Variants in PHACTR2 observed in about 807,000 individuals in gnomAD.
The protein encoded by PHACTR2 is phosphatase and actin regulator 2, also known as chromosome 6 open reading frame 56.
A neutral mutation model predicts 76.0 loss-of-function variants in PHACTR2; 30 were observed. The ratio of observed to expected loss-of-function variants is 0.39; its 90% CI spans 0.30 to 0.54. PHACTR2 has a LOEUF of 0.54. Among genes scored for constraint, PHACTR2 ranks in the 20% least tolerant of loss-of-function variants. The probability of loss-of-function intolerance (pLI) is 0.61; values close to 1 mark genes in which losing one functional copy is unlikely to be tolerated. For synonymous variants in PHACTR2, 292 were observed against 292.5 expected (o/e 1.00, Z 0.02); for missense variants, 696 against 781.1 (o/e 0.89, Z 1.30).
chr6:143,545,703 C>G lies in PHACTR2; in HGVS notation c.217+8496C>G, dbSNP rs1183341283. Among the ~76,000 whole-genome samples, 3 of 152,180 alleles carry G rather than the reference C, an allele frequency of 2.0e-5. No individual in the cohort carries two copies. The South Asian group carries it at 6.2e-4, about 31-fold the overall frequency. ...TACTCTTTTCTTACCCTACCCCACC[C>G]TAGTACATATCTATCACCCCTCATA... On this transcript the variant is annotated intron_variant, in intron 1 of 11. Transcript: ENST00000367584.
rs1779267248 is a variant in PHACTR2, at chr6:143,754,945, AT to A, written c.454+1035del. Reference sequence around the variant, plus strand: ...TCCTTGAGAGCGAAAGGGAAAAAAGATTATTTGATGGCCCTATTAAACACAC... The same window carrying A: ...TCCTTGAGAGCGAAAGGGAAAAAAGATATTTGATGGCCCTATTAAACACAC... On this transcript the variant is annotated intron_variant, in intron 4 of 12. Coordinates refer to ENST00000440869, the MANE Select transcript of PHACTR2 (RefSeq NM_001100164.2). The surrounding 1 kb of genome is among the most constrained non-coding windows in gnomAD (Gnocchi z 6.2). Among the ~76,000 whole-genome samples, 1 of 152,184 alleles carries A rather than the reference AT, an allele frequency of 6.6e-6. No individual in the cohort carries two copies. Among genetic ancestry groups the A allele is most frequent in the Non-Finnish European group, 1.5e-5 (1 of 68,036 alleles).
chr6:143,676,565 G>A (rs1051224577), upstream of PHACTR2, among the ~76,000 whole-genome samples: 3 of 151,590 alleles, frequency 2.0e-5, no homozygotes, highest in Non-Finnish European at 2.9e-5. The surrounding 1 kb of genome is among the most constrained non-coding windows in gnomAD (Gnocchi z 4.8). Context: ...TTTTTCTTAC[G>A]GCAACTCAAA....
At chr6:143,744,709 G>A (rs1016894004) in intron 2 of PHACTR2, among the ~76,000 whole-genome samples, 3 of 152,190 alleles carry the variant, frequency 2.0e-5, no homozygotes, top group Non-Finnish European at 4.4e-5. Context: ...CGTGGGAGGC[G>A]GGACAGCCTA....
chr6:143,537,016 C>T lies in PHACTR2; in HGVS notation c.26C>T (p.Ala9Val). ...ATGGCCGAGGCGGGCTGGCGCCCCG[C>T]GGCGTCCCCGGTCGATCCGGCCGGG... The change falls in exon 1 of 12, where the codon GCG becomes GTG. Residue 9 changes from alanine to valine, a missense_variant. Ala to Val is a moderately conservative substitution (Grantham distance 64). Coordinates refer to the PHACTR2 transcript ENST00000367584. The surrounding 1 kb of genome is among the most constrained non-coding windows in gnomAD (Gnocchi z 4.4). 1 of 166,606 alleles carries T rather than the reference C, an allele frequency of 6.0e-6. No homozygotes were observed. The highest frequency in any genetic ancestry group is 1.3e-5 in the Non-Finnish European group (1 of 79,096). 10.3% of individuals were successfully genotyped at this position (166,606 alleles called of 1,614,324 possible). A position where few individuals can be genotyped will look rare whatever the true frequency, so the allele number is the denominator to read the frequency against.
Position 143,639,621 on chromosome 6 carries a change from C to T in PHACTR2, c.13+31299C>T, listed in dbSNP as rs1162415738. On this transcript the variant is annotated intron_variant, in intron 1 of 11. Transcript: ENST00000305766. The surrounding 1 kb of genome is among the most constrained non-coding windows in gnomAD (Gnocchi z 5.0). ...ATAGCGGGAGGGATTACTAACTCTC[C>T]CTTTGATGATGGATTAGCATACCCC... 6.6e-6 allele frequency among the ~76,000 whole-genome samples: 1 copy of T among 151,992 alleles called. No individual in the cohort carries two copies. Among genetic ancestry groups the T allele is most frequent in the Non-Finnish European group, 1.5e-5 (1 of 67,998 alleles).
chr6:143,631,314 C>T (rs1400200236), intron 1 of PHACTR2, among the ~76,000 whole-genome samples: 2 of 152,076 alleles, frequency 1.3e-5, no homozygotes, highest in African/African-American at 4.8e-5. Context: ...CCTCAGCCTC[C>T]CTAGTAGCTA....
intron 2 of PHACTR2, among the ~76,000 whole-genome samples, chr6:143,747,820 G>C (rs1333283548): frequency 6.6e-6 from 1 of 152,160 alleles, no homozygotes; most frequent in Non-Finnish European, 1.5e-5. Context: ...TAGATGACAT[G>C]ACCACATGTT....
intron 1 of PHACTR2, among the ~76,000 whole-genome samples, chr6:143,692,070 A>G (rs1212247342): frequency 6.6e-6 from 1 of 152,190 alleles, no homozygotes; most frequent in Non-Finnish European, 1.5e-5. Flanking sequence ...CTTTTTCTAA[A>G]GAATTTTTCA....
At chr6:143,781,067 C>T (rs887522704) in intron 9 of PHACTR2, among the ~76,000 whole-genome samples, 4 of 152,136 alleles carry the variant, frequency 2.6e-5, no homozygotes, top group Non-Finnish European at 5.9e-5. Context: ...TCACTTGAGT[C>T]CTGGAGATCA....
At chr6:143,790,780 TCTC>T (rs2128480179) in intron 11 of PHACTR2, among the ~76,000 whole-genome samples, 1 of 152,070 alleles carries the variant, frequency 6.6e-6, no homozygotes, top group East Asian at 1.9e-4. Flanking sequence ...TTCACGCCAT[TCTC>T]CTGCTTCAGC....
At chr6:143,590,912 C>T (rs1369242402) in intron 1 of PHACTR2, among the ~76,000 whole-genome samples, 9 of 152,202 alleles carry the variant, frequency 5.9e-5, no homozygotes, top group African/African-American at 1.2e-4. Context: ...GCACATGCTG[C>T]GTGTCACTAG....
rs2128437680 is a variant in PHACTR2, at chr6:143,611,039, G to A, written c.13+2717G>A. 6.6e-6 allele frequency among the ~76,000 whole-genome samples: 1 copy of A among 152,080 alleles called. No individual in the cohort carries two copies. Among genetic ancestry groups the A allele is most frequent in the Admixed American group, 6.5e-5 (1 of 15,272 alleles). On this transcript the variant is annotated intron_variant, in intron 1 of 11. Coordinates refer to the PHACTR2 transcript ENST00000305766. This position sits in a 1 kb window ranked among gnomAD's most constrained non-coding sequence, Gnocchi z 4.4. ...ACTATCCTCCTTACCTCCATCAAGT[G>A]GTTCTCGTGAATGAACTGTGATAAG...
chr6:143,828,003 A>G lies in PHACTR2; in HGVS notation c.*4314A>G, dbSNP rs1776582126. On this transcript the variant is annotated 3_prime_UTR_variant, in exon 13 of 13. Transcript: ENST00000440869. This position sits in a 1 kb window ranked among gnomAD's most constrained non-coding sequence, Gnocchi z 4.7. Reference sequence around the variant, plus strand: ...ACTGAAAATACAAAAAAAAAAAAGTATCTGGGCATGGTGGCTTGTGCCTGT... The same window carrying G: ...ACTGAAAATACAAAAAAAAAAAAGTGTCTGGGCATGGTGGCTTGTGCCTGT... 6.6e-6 allele frequency: 1 copy of G among 151,250 alleles called. No homozygotes were observed. Among genetic ancestry groups the G allele is most frequent in the South Asian group, 2.1e-4 (1 of 4,768 alleles). The allele number at this position is 151,250 out of a possible 1,614,324, so 9.4% of individuals were successfully genotyped here. A position where few individuals can be genotyped will look rare whatever the true frequency, so the allele number is the denominator to read the frequency against.
At position 143,602,510 on chromosome 6, in the gene PHACTR2, G is replaced by A. The variant is rs148006737; in HGVS notation, c.217+65303G>A. ...AGAGCCATTACTACATAGGAGCTGC[G>A]CATCTGGCCTTGACCTCTGCTTTTG... On this transcript the variant is annotated intron_variant, in intron 1 of 11. Transcript: ENST00000367584. This position sits in a 1 kb window ranked among gnomAD's most constrained non-coding sequence, Gnocchi z 6.1. 4.6e-5 allele frequency among the ~76,000 whole-genome samples: 7 copies of A among 152,270 alleles called. No homozygotes were observed. The highest frequency in any genetic ancestry group is 3.9e-4 in the East Asian group (2 of 5,166).
In PHACTR2 at chr6:143,789,938, G is replaced by A. The variant is rs1348673802; in HGVS notation, c.1845+1028G>A. 6.6e-6 allele frequency among the ~76,000 whole-genome samples: 1 copy of A among 152,210 alleles called. No individual in the cohort carries two copies. The highest frequency in any genetic ancestry group is 1.5e-5 in the Non-Finnish European group (1 of 68,040). Reference sequence around the variant, plus strand: ...AGGCTGAGAAAAGCACTCCAGGGATGTTTTAGGAAGAAGCAGCAGAAGAAT... The same window carrying A: ...AGGCTGAGAAAAGCACTCCAGGGATATTTTAGGAAGAAGCAGCAGAAGAAT... On this transcript the variant is annotated intron_variant, in intron 11 of 12. Transcript: ENST00000440869. This position sits in a 1 kb window ranked among gnomAD's most constrained non-coding sequence, Gnocchi z 5.1.
chr6:143,666,633 G>T (rs1582750660), intron 1 of PHACTR2, among the ~76,000 whole-genome samples: 1 of 152,192 alleles, frequency 6.6e-6, no homozygotes, highest in Admixed American at 6.5e-5. Context: ...GACCAGTGAT[G>T]ATGAGTTTTC....
At chr6:143,643,424 G>A (rs188764610) in intron 1 of PHACTR2, among the ~76,000 whole-genome samples, 118 of 152,260 alleles carry the variant, frequency 7.7e-4, no homozygotes, top group Admixed American at 2.9e-3. Flanking sequence ...ATTAATATTT[G>A]CATTTAATTC....
chr6:143,657,310 G>A (rs1248298146), intron 1 of PHACTR2, among the ~76,000 whole-genome samples: 1 of 151,840 alleles, frequency 6.6e-6, no homozygotes, highest in African/African-American at 2.4e-5. Context: ...ATTTCATACA[G>A]CCATGCACTC....
rs962028508 is a variant in PHACTR2, at chr6:143,794,127, A to G, written c.1845+5217A>G. On this transcript the variant is annotated intron_variant, in intron 11 of 12. Coordinates refer to ENST00000440869, the MANE Select transcript of PHACTR2 (RefSeq NM_001100164.2). The surrounding 1 kb of genome is among the most constrained non-coding windows in gnomAD (Gnocchi z 4.1). ...TTTCTAAAAATACCATTTACTACCT[A>G]ACACTGAAAAAAATTGTTCCCTCTA... is the stretch of plus-strand genomic sequence containing the variant. Among the ~76,000 whole-genome samples the G allele has an allele frequency of 1.3e-5, 2 of 151,822 alleles. No individual in the cohort carries two copies. Among genetic ancestry groups the G allele is most frequent in the Non-Finnish European group, 2.9e-5 (2 of 67,932 alleles).
Sources: allele counts gnomAD v4.1 joint callset (sites outside exome capture counted in the v4.1 genomes callset), GRCh38; gene constraint gnomAD v4.1.1; non-coding constraint Gnocchi (gnomAD v3.1); transcripts MANE v1.5; gene names NCBI Gene and HGNC (gene_info 2026-07-23, HGNC 2026-07-21).